RBP7: variants seen among roughly 807,000 people sequenced by gnomAD.
RBP7 encodes retinol binding protein 7.
RBP7 carries 13 observed loss-of-function variants against 16.7 expected under a neutral mutation model. The observed-to-expected ratio is 0.78, with a 90% confidence interval of 0.51 to 1.24. RBP7 has a LOEUF of 1.24. RBP7 is among the 50% of genes most tolerant of loss of function. RBP7 has a pLI of 0.00. For synonymous variants in RBP7, 54 were observed against 56.2 expected (o/e 0.96, Z 0.17); for missense variants, 145 against 159.5 (o/e 0.91, Z 0.49).
At chr1:10,007,170 T>C (rs1438304383) in intron 1 of RBP7, 3 of 304,270 alleles carry the variant, frequency 9.9e-6, no homozygotes, top group Non-Finnish European at 1.9e-5. Context: ...GGTCTCAAAC[T>C]CCTGACCTCA....
intron 3 of RBP7, among the ~76,000 whole-genome samples, chr1:10,012,239 C>T (rs890048868): frequency 1.1e-4 from 17 of 148,330 alleles, no homozygotes; most frequent in African/African-American, 3.7e-4. Flanking sequence ...AAAAATTAGC[C>T]GGGCTGTGGC....
At chr1:10,007,497 G>C in intron 1 of RBP7, 73 bp from the exon 2 acceptor site, 1 of 1,117,954 alleles carries the variant, frequency 8.9e-7, no homozygotes, top group Non-Finnish European at 1.3e-6. Flanking sequence ...TGGTGATTTT[G>C]AGAACAGCTA....
At chr1:9,999,965 C>T (rs1041926025) in intron 1 of RBP7, among the ~76,000 whole-genome samples, 10 of 151,964 alleles carry the variant, frequency 6.6e-5, no homozygotes, top group African/African-American at 2.4e-4. Flanking sequence ...TGCAGTGGCT[C>T]ACACCTGTAA....
intron 3 of RBP7, among the ~76,000 whole-genome samples, chr1:10,010,104 T>C (rs1232122975): frequency 6.6e-6 from 1 of 152,024 alleles, no homozygotes; most frequent in Non-Finnish European, 1.5e-5. Flanking sequence ...AACTATTATT[T>C]TACAGCCTGT....
intron 2 of RBP7, among the ~76,000 whole-genome samples, 165 bp from the exon 3 acceptor site, chr1:10,008,008 C>T (rs540891909): frequency 1.3e-5 from 2 of 150,870 alleles, no homozygotes; most frequent in Non-Finnish European, 2.9e-5. Context: ...AAGCCAAGAT[C>T]GTGCCACTGC....
intron 3 of RBP7, among the ~76,000 whole-genome samples, chr1:10,013,079 T>TA (rs199792150): frequency 0.018 from 2,656 of 150,922 alleles, 34 homozygotes; most frequent in Non-Finnish European, 0.027. Flanking sequence ...CCATGATTTT[T>TA]TTTTTTTTTT....
intron 1 of RBP7, among the ~76,000 whole-genome samples, chr1:10,000,766 C>T (rs138472762): frequency 0.027 from 4,035 of 151,984 alleles, 65 homozygotes; most frequent in African/African-American, 0.036. Context: ...GATGGAGTCT[C>T]TCTCTGTTGC....
intron 1 of RBP7, chr1:10,007,183 T>C (rs1374190724): frequency 3.4e-6 from 1 of 295,834 alleles, no homozygotes; most frequent in East Asian, 1.3e-4. Context: ...TGACCTCAGG[T>C]GATCCGCCCT....
intron 3 of RBP7, among the ~76,000 whole-genome samples, chr1:10,010,773 G>A (rs1266979380): frequency 2.7e-5 from 4 of 150,004 alleles, no homozygotes; most frequent in Admixed American, 6.6e-5. Context: ...CAGTAGAGAC[G>A]GGGTTTCTCC....
intron 1 of RBP7, among the ~76,000 whole-genome samples, chr1:10,001,532 C>T (rs1557483826): frequency 3.9e-5 from 6 of 152,042 alleles, no homozygotes; most frequent in African/African-American, 1.4e-4. Flanking sequence ...GTCTCAAACT[C>T]CTGGCCACAT....
intron 1 of RBP7, among the ~76,000 whole-genome samples, chr1:10,006,751 G>GTGTGTA (rs777216075): frequency 1.1e-4 from 15 of 138,508 alleles, no homozygotes; most frequent in Admixed American, 7.3e-4. Flanking sequence ...GTGTGTGTGT[G>GTGTGTA]TATATATATA....
At chr1:9,999,502 G>C (rs1356594204) in intron 1 of RBP7, among the ~76,000 whole-genome samples, 1 of 152,116 alleles carries the variant, frequency 6.6e-6, no homozygotes, top group East Asian at 1.9e-4. Flanking sequence ...GCAGTGAGCT[G>C]AGATGGTGCC....
chr1:10,005,904 C>T (rs1158895290), intron 1 of RBP7, among the ~76,000 whole-genome samples: 1 of 152,110 alleles, frequency 6.6e-6, no homozygotes, highest in East Asian at 1.9e-4. Context: ...CCTCCTCCCT[C>T]TCCCCGATTC....
chr1:9,999,485 A>G (rs1363481456), intron 1 of RBP7, among the ~76,000 whole-genome samples: 1 of 152,116 alleles, frequency 6.6e-6, no homozygotes, highest in Non-Finnish European at 1.5e-5. Flanking sequence ...CCTAGGAGGC[A>G]GAGGTTGCAG....
chr1:9,998,410 T>TCTTTCTTTC (rs68088711), intron 1 of RBP7, among the ~76,000 whole-genome samples: 9 of 122,002 alleles, frequency 7.4e-5, no homozygotes, highest in Admixed American at 2.6e-4. Flanking sequence ...TTTCTTTCTT[T>TCTTTCTTTC]TTTTTTTTTT....
In RBP7 at chr1:9,997,358, CGCGAGGCTCGCCGT is replaced by C; in HGVS notation, c.73+29_73+42del. On this transcript the variant is annotated intron_variant, in intron 1 of 3. Coordinates refer to ENST00000294435, the MANE Select transcript of RBP7 (RefSeq NM_052960.3). This position sits in a 1 kb window ranked among gnomAD's most constrained non-coding sequence, Gnocchi z 5.9. Reference sequence around the variant, plus strand: ...TAAGGCGGAGGGGAGGCGGCGGCGGCGCGAGGCTCGCCGTGGGTCTCGGGATCAGGCGAAGGCGG... The same window carrying C: ...TAAGGCGGAGGGGAGGCGGCGGCGGCGGGTCTCGGGATCAGGCGAAGGCGG... The C allele has an allele frequency of 6.2e-7, 1 of 1,603,188 alleles. No homozygotes were observed. The highest frequency in any genetic ancestry group is 8.5e-7 in the Non-Finnish European group (1 of 1,174,000).
intron 1 of RBP7, 64 bp from the exon 2 acceptor site, chr1:10,007,506 T>A: frequency 8.4e-7 from 1 of 1,195,106 alleles, no homozygotes. Flanking sequence ...TGAGAACAGC[T>A]ACCAAATTCT....
chr1:10,006,726 C>CGT (rs139188536), intron 1 of RBP7, among the ~76,000 whole-genome samples: 16,499 of 129,016 alleles, frequency 0.13, 971 homozygotes, highest in South Asian at 0.15. Context: ...AAAGTATATA[C>CGT]GTGTGTGTGT....
At chr1:10,004,144 C>T (rs1642357732) in intron 1 of RBP7, 1 of 146,612 alleles carries the variant, frequency 6.8e-6, no homozygotes, top group East Asian at 2.0e-4. Flanking sequence ...GGGATCTCGG[C>T]TCACCGCAAC....
Sources: gnomAD v4.1 joint callset for allele counts (sites outside exome capture counted in the v4.1 genomes callset) on GRCh38, gnomAD v4.1.1 for gene constraint, Gnocchi (gnomAD v3.1) non-coding constraint, MANE v1.5 for transcripts, NCBI Gene and HGNC (gene_info 2026-07-23, HGNC 2026-07-21) for gene names.